The following IKBKB variants were observed in gnomAD, a reference collection of about 807,000 sequenced individuals.
IKBKB encodes inhibitor of nuclear factor kappa-B kinase subunit beta.
IKBKB carries 42 observed loss-of-function variants against 113.6 expected under a neutral mutation model. That is an observed-to-expected ratio of 0.37 (90% CI 0.29 to 0.48). IKBKB has a LOEUF of 0.48. Among genes scored for constraint, IKBKB ranks in the 20% least tolerant of loss-of-function variants. The pLI is 0.99. For synonymous variants in IKBKB, 296 were observed against 361.3 expected, an observed-to-expected ratio of 0.82 and a Z score of 2.05; for missense variants, 673 against 939.7, an observed-to-expected ratio of 0.72 and a Z score of 3.71.
At position 42,322,373 on chromosome 8, in the gene IKBKB, C is replaced by T. The variant is rs201563256; in HGVS notation, c.1865C>T (p.Ala622Val). The T allele has an allele frequency of 8.1e-6, 13 of 1,613,594 alleles. No individual in the cohort carries two copies. Among genetic ancestry groups the T allele is most frequent in the East Asian group, 2.2e-5 (1 of 44,856 alleles). Residue 622 changes from alanine (A) to valine (V), a missense_variant, in exon 19 of 22, where the codon GCG becomes GTG. By Grantham distance (64) the Ala-to-Val change is moderately conservative. Transcript: ENST00000520810. Reference sequence around the variant, plus strand: ...AAAACTGTGGTTTGCAAGCAGAAGGCGCTGGAACTGTTGCCCAAGGTGGAA... The same window carrying T: ...AAAACTGTGGTTTGCAAGCAGAAGGTGCTGGAACTGTTGCCCAAGGTGGAA... ...LSKTVVCKQK[A>V]LELLPKVEEV...
Position 42,330,909 on chromosome 8 carries a change from T to C in IKBKB, c.2206-5T>C. 1 of 1,614,204 alleles carries C rather than the reference T, an allele frequency of 6.2e-7. No homozygotes were observed. Among genetic ancestry groups the C allele is most frequent in the Non-Finnish European group, 8.5e-7 (1 of 1,180,024 alleles). ...TGTTTTTTTAACATGTCTGTTGACT[T>C]TCAGGCCCTAGACTGGAGCTGGTTA... is the stretch of plus-strand genomic sequence containing the variant. On this transcript the variant is annotated splice_polypyrimidine_tract_variant and splice_region_variant and intron_variant, in intron 21 of 21. Transcript: ENST00000520810.
intron 5 of IKBKB, among the ~76,000 whole-genome samples, chr8:42,294,930 T>C (rs1224398788): frequency 6.6e-6 from 1 of 152,140 alleles, no homozygotes; most frequent in Non-Finnish European, 1.5e-5. Flanking sequence ...CTCTGTTGAA[T>C]TGGGTTGAAG....
chr8:42,300,704 C>T (rs1204398566), intron 5 of IKBKB, among the ~76,000 whole-genome samples: 7 of 152,126 alleles, frequency 4.6e-5, no homozygotes, highest in Non-Finnish European at 1.0e-4. Context: ...GGGTTACCAC[C>T]GGGGCACGGC....
chr8:42,271,733 A>T, intron 1 of IKBKB: 1 of 510,114 alleles, frequency 2.0e-6, no homozygotes, highest in Non-Finnish European at 3.4e-6. Flanking sequence ...GATGCTCAGA[A>T]GTAGGTTCTG....
At chr8:42,325,131 T>A in intron 19 of IKBKB, 9 of 715,260 alleles carry the variant, frequency 1.3e-5, no homozygotes, top group Non-Finnish European at 1.0e-5. Context: ...AGGGCAGAGA[T>A]CAGCAGAGGG....
intron 7 of IKBKB, among the ~76,000 whole-genome samples, 157 bp from the exon 8 acceptor site, chr8:42,308,744 C>T (rs928705425): frequency 7.2e-5 from 11 of 152,142 alleles, no homozygotes; most frequent in African/African-American, 9.7e-5. Flanking sequence ...ATGATATACC[C>T]GCTAAACATG....
At chr8:42,281,165 G>A (rs1463002455) in intron 2 of IKBKB, among the ~76,000 whole-genome samples, 2 of 152,168 alleles carry the variant, frequency 1.3e-5, no homozygotes, top group Non-Finnish European at 2.9e-5. Flanking sequence ...CGCTGGGGAA[G>A]GGAGGCTTCT....
intron 3 of IKBKB, among the ~76,000 whole-genome samples, chr8:42,289,651 G>A (rs1349799663): frequency 6.6e-6 from 1 of 152,182 alleles, no homozygotes; most frequent in Non-Finnish European, 1.5e-5. Flanking sequence ...GGTGCTATTT[G>A]GTTATGTCAT....
intron 16 of IKBKB, 36 bp downstream of exon 16, chr8:42,320,880 A>T: frequency 1.5e-6 from 2 of 1,353,112 alleles, no homozygotes; most frequent in Non-Finnish European, 1.0e-6. Flanking sequence ...TGTGCCCAGC[A>T]CACACAGACA....
intron 5 of IKBKB, among the ~76,000 whole-genome samples, chr8:42,304,758 C>G (rs1332819813): frequency 6.6e-6 from 1 of 152,202 alleles, no homozygotes; most frequent in Non-Finnish European, 1.5e-5. Flanking sequence ...TTTTGAGCCT[C>G]TAGACCAAAG....
chr8:42,304,292 ATTTC>A (rs1816051839), intron 5 of IKBKB, among the ~76,000 whole-genome samples: 1 of 152,106 alleles, frequency 6.6e-6, no homozygotes, highest in South Asian at 2.1e-4. Context: ...TATTTATTTC[ATTTC>A]TTTCTTTTAT....
At position 42,316,886 on chromosome 8, in the gene IKBKB, G is replaced by A. The variant is rs149369509; in HGVS notation, c.1107G>A (p.Gln369=). 5.0e-6 allele frequency: 8 copies of A among 1,614,134 alleles called. 1 individual carries two copies. The African/African-American group carries it at 9.3e-5, about 19-fold the overall frequency. The change falls in exon 11 of 22, where the codon CAG becomes CAA. Residue 369 remains glutamine, a synonymous_variant. Coordinates refer to ENST00000520810, the MANE Select transcript of IKBKB (RefSeq NM_001556.3). This position sits in a 1 kb window ranked among gnomAD's most constrained non-coding sequence, Gnocchi z 4.5. ...LALIPDKPAT[Q]CISDGKLNEG... ...TGATCCCCGATAAGCCTGCCACTCA[G>A]TGTATTTCAGACGGCAAGGTGAGCC...
chr8:42,324,428 C>A (rs568571453), intron 19 of IKBKB, among the ~76,000 whole-genome samples: 1 of 152,234 alleles, frequency 6.6e-6, no homozygotes, highest in South Asian at 2.1e-4. Flanking sequence ...CCACACCTGG[C>A]TAATTTTTGT....
intron 13 of IKBKB, 35 bp downstream of exon 13, chr8:42,318,710 A>AT: frequency 6.4e-7 from 1 of 1,564,192 alleles, no homozygotes; most frequent in Non-Finnish European, 8.7e-7. Context: ...AACTTAATTT[A>AT]TTTAAAATTC....
chr8:42,322,459 C>T lies in IKBKB; in HGVS notation c.1951C>T (p.Gln651Ter). Residue 651 changes from glutamine (Q) to a stop codon, truncating the protein, a stop_gained, in exon 19 of 22, where the codon CAG becomes TAG. Coordinates refer to ENST00000520810, the MANE Select transcript of IKBKB (RefSeq NM_001556.3). LOFTEE classifies it high-confidence loss of function. ...TGTTGTCCGGCTGCAGGAGAAGCGG[C>T]AGAAGGAGCTCTGGAATCTCCTGAA... ...KTVVRLQEKRQKELWNLLKIA... is the reference protein window; with the variant it reads ...KTVVRLQEKR 1 of 1,614,000 alleles carries T rather than the reference C, an allele frequency of 6.2e-7. No individual in the cohort carries two copies. Among genetic ancestry groups the T allele is most frequent in the Non-Finnish European group, 8.5e-7 (1 of 1,180,016 alleles).
At chr8:42,296,798 A>G (rs754455397) in intron 5 of IKBKB, among the ~76,000 whole-genome samples, 15 of 152,216 alleles carry the variant, frequency 9.9e-5, no homozygotes, top group Non-Finnish European at 1.9e-4. Flanking sequence ...TAGCAGTGTG[A>G]CCGTGGGCAC....
At chr8:42,311,485 C>T (rs896385235) in intron 8 of IKBKB, among the ~76,000 whole-genome samples, 1 of 141,414 alleles carries the variant, frequency 7.1e-6, no homozygotes, top group Admixed American at 8.0e-5. Flanking sequence ...CGCTGGAACC[C>T]AGGAGGCAGA....
intron 2 of IKBKB, among the ~76,000 whole-genome samples, chr8:42,284,041 G>A (rs1248518485): frequency 3.3e-5 from 5 of 152,154 alleles, no homozygotes; most frequent in Admixed American, 2.6e-4. Flanking sequence ...TGCAAACTCC[G>A]CCTAACTGGA....
Position 42,290,199 on chromosome 8 carries a change from G to A in IKBKB, c.244G>A (p.Gly82Arg), listed in dbSNP as rs1282624870. 6.2e-7 allele frequency: 1 copy of A among 1,613,794 alleles called. No homozygotes were observed. Among genetic ancestry groups the A allele is most frequent in the East Asian group, 2.2e-5 (1 of 44,892 alleles). Residue 82 changes from glycine (G) to arginine (R), a missense_variant, in exon 4 of 22, where the codon GGG (glycine) becomes AGG (arginine). Transcript: ENST00000520810. Reference sequence around the variant, plus strand: ...GGTGGCTGCCCGAGATGTCCCTGAGGGGATGCAGAACTTGGCGCCCAATGA... The same window carrying A: ...GGTGGCTGCCCGAGATGTCCCTGAGAGGATGCAGAACTTGGCGCCCAATGA... ...NVVAARDVPEGMQNLAPNDLP... is the reference protein window; with the variant it reads ...NVVAARDVPERMQNLAPNDLP...
Sources: allele counts gnomAD v4.1 joint callset (sites outside exome capture counted in the v4.1 genomes callset), GRCh38; gene constraint gnomAD v4.1.1; non-coding constraint Gnocchi (gnomAD v3.1); transcripts MANE v1.5; gene names NCBI Gene and HGNC (gene_info 2026-07-23, HGNC 2026-07-21).